Variants in ACAT1 observed in about 807,000 individuals in gnomAD.
ACAT1 encodes the protein acetyl-CoA acetyltransferase 1, also known as acetyl-CoA acetyltransferase, mitochondrial.
Under a neutral mutation model 47.3 loss-of-function variants are expected in ACAT1, and 28 were observed. That is an observed-to-expected ratio of 0.59 (90% confidence interval 0.44 to 0.81). The LOEUF (loss-of-function observed/expected upper bound fraction) is 0.81. ACAT1 is among the 30% of genes least tolerant of loss of function. ACAT1 has a pLI of 0.00. For synonymous variants in ACAT1, 181 were observed against 173.6 expected, an observed-to-expected ratio of 1.04 and a Z score of -0.34; for missense variants, 469 against 524.3, an observed-to-expected ratio of 0.89 and a Z score of 1.03.
Position 108,147,410 on chromosome 11 carries a change from G to T in ACAT1, c.*20G>T. 2.5e-6 allele frequency: 4 copies of T among 1,612,622 alleles called. No homozygotes were observed. The highest frequency in any genetic ancestry group is 3.4e-6 in the Non-Finnish European group (4 of 1,179,376). On this transcript the variant is annotated 3_prime_UTR_variant, in exon 12 of 12. Coordinates refer to ENST00000265838, the MANE Select transcript of ACAT1 (RefSeq NM_000019.4). ...CTGTAGACAACCTCTGCTATTTAAG[G>T]AGACAACCCTATGTGACCAGAAGGC... is the stretch of plus-strand genomic sequence containing the variant.
At chr11:108,120,077 G>A (rs1417988738), upstream of ACAT1, among the ~76,000 whole-genome samples, 3 of 152,066 alleles carry the variant, frequency 2.0e-5, no homozygotes, top group South Asian at 4.1e-4. Flanking sequence ...AGATTAGCCA[G>A]GCTTGGCAGC....
rs1440365215 is a variant in ACAT1, at chr11:108,141,780, G to C, written c.826+80G>C. Reference sequence around the variant, plus strand: ...GTTCTTAGAATTGCCTAAGGATTTTGAAAAATTCTAGAAAACATCTAGATG... The same window carrying C: ...GTTCTTAGAATTGCCTAAGGATTTTCAAAAATTCTAGAAAACATCTAGATG... On this transcript the variant is annotated intron_variant, in intron 8 of 11. Transcript: ENST00000265838. The C allele has an allele frequency of 1.0e-5, 6 of 593,314 alleles. No individual in the cohort carries two copies. In the East Asian group the frequency reaches 2.1e-4, roughly 20 times the overall value. 36.8% of individuals were successfully genotyped at this position (593,314 alleles called of 1,614,324 possible).
chr11:108,134,928 G>C (rs1405551773), intron 4 of ACAT1, among the ~76,000 whole-genome samples: 2 of 110,156 alleles, frequency 1.8e-5, no homozygotes, highest in African/African-American at 7.2e-5. Context: ...TTGGGGGACA[G>C]AGTGAGACTC....
chr11:108,145,988 A>G, intron 10 of ACAT1: 1 of 453,376 alleles, frequency 2.2e-6, no homozygotes, highest in Non-Finnish European at 4.0e-6. Context: ...CAGAGGTTAT[A>G]GTGAGCCAAG....
chr11:108,138,828 T>C lies in ACAT1; in HGVS notation c.436-70T>C, dbSNP rs2077522497. ...TGTAGAATACTTGTTTGGTGGTAGC[T>C]GTATAAAGGGTGTCATGGGTTTGCA... On this transcript the variant is annotated intron_variant, in intron 5 of 11. Coordinates refer to ENST00000265838, the MANE Select transcript of ACAT1 (RefSeq NM_000019.4). 2.6e-6 allele frequency: 4 copies of C among 1,539,538 alleles called. No individual in the cohort carries two copies. The South Asian group carries it at 4.5e-5, about 17-fold the overall frequency.
chr11:108,134,148 C>A, intron 3 of ACAT1, 73 bp from the exon 4 acceptor site: 1 of 1,384,738 alleles, frequency 7.2e-7, no homozygotes, highest in South Asian at 1.2e-5. Context: ...GTAATGTCAC[C>A]TACCTTATTA....
chr11:108,146,433 T>A (rs2134792515), intron 11 of ACAT1, 74 bp downstream of exon 11: 1 of 1,538,214 alleles, frequency 6.5e-7, no homozygotes, highest in South Asian at 1.1e-5. Context: ...AACTGCTTCA[T>A]AATTCCCATT....
upstream of ACAT1, among the ~76,000 whole-genome samples, chr11:108,120,003 G>A (rs930700406): frequency 3.3e-5 from 5 of 152,150 alleles, no homozygotes; most frequent in African/African-American, 1.2e-4. Context: ...GATTGCGTGA[G>A]CTCAGGAGTT....
intron 5 of ACAT1, chr11:108,136,034 T>C (rs1352098112): frequency 1.6e-6 from 1 of 611,156 alleles, no homozygotes; most frequent in African/African-American, 1.9e-5. Context: ...GGCTTTCTAA[T>C]TAGCCTTGCT....
upstream of ACAT1, among the ~76,000 whole-genome samples, chr11:108,117,848 C>T (rs933963648): frequency 3.9e-5 from 6 of 152,160 alleles, no homozygotes; most frequent in African/African-American, 1.2e-4. Context: ...CTAAAACTAA[C>T]TTCTACTTCT....
chr11:108,125,975 G>T (rs1429477160), intron 1 of ACAT1, among the ~76,000 whole-genome samples: 4 of 151,896 alleles, frequency 2.6e-5, no homozygotes, highest in Non-Finnish European at 4.4e-5. Flanking sequence ...GCCAGCCATG[G>T]AGAGCTGGGA....
upstream of ACAT1, among the ~76,000 whole-genome samples, chr11:108,120,135 G>A (rs1405058436): frequency 1.3e-5 from 2 of 152,018 alleles, no homozygotes; most frequent in African/African-American, 2.4e-5. Context: ...GAACTCAGGA[G>A]GCAGAGGTTG....
intron 9 of ACAT1, 24 bp from the exon 10 acceptor site, chr11:108,143,959 C>T (rs754262678): frequency 1.6e-5 from 3 of 187,400 alleles, no homozygotes; most frequent in South Asian, 1.0e-4. Context: ...TTTTAACAAC[C>T]CCCCCCCCCC....
intron 9 of ACAT1, 145 bp from the exon 10 acceptor site, chr11:108,143,838 G>C: frequency 1.2e-6 from 1 of 841,468 alleles, no homozygotes; most frequent in Non-Finnish European, 1.7e-6. Flanking sequence ...ATAAAGTGTA[G>C]AATCCTAGAA....
At chr11:108,125,015 A>G (rs919632583) in intron 1 of ACAT1, among the ~76,000 whole-genome samples, 14 of 152,172 alleles carry the variant, frequency 9.2e-5, no homozygotes, top group African/African-American at 2.9e-4. Context: ...ACTGTAGCTG[A>G]AATTTTGTTT....
chr11:108,133,459 T>C (rs748747829), intron 2 of ACAT1, among the ~76,000 whole-genome samples: 4 of 152,094 alleles, frequency 2.6e-5, no homozygotes, highest in Non-Finnish European at 5.9e-5. Flanking sequence ...CATTCCAGCC[T>C]GGGCAGCTGA....
rs1591374737 is a variant in ACAT1, at chr11:108,146,325, A to C, written c.1129A>C (p.Asn377His). 1.2e-6 allele frequency: 2 copies of C among 1,613,974 alleles called. No individual in the cohort carries two copies. Among genetic ancestry groups the C allele is most frequent in the African/African-American group, 1.3e-5 (1 of 74,934 alleles). Residue 377 changes from asparagine to histidine, a missense_variant, in exon 11 of 12, where the codon AAT becomes CAT. By Grantham distance (68) the Asn-to-His change is moderately conservative. Transcript: ENST00000265838. ...LEIDPQKVNI[N>H]GGAVSLGHPI... is the part of the protein sequence containing the mutation. ...GATTGATCCCCAAAAAGTGAATATC[A>C]ATGGAGGAGCTGTTTCTCTGGGACA...
chr11:108,131,758 T>G (rs1226891562), intron 1 of ACAT1, 149 bp from the exon 2 acceptor site: 4 of 316,050 alleles, frequency 1.3e-5, no homozygotes, highest in African/African-American at 8.7e-5. Flanking sequence ...TTTCTAATTG[T>G]TAAAAGTGAT....
chr11:108,144,350 T>C, intron 10 of ACAT1: 1 of 371,212 alleles, frequency 2.7e-6, no homozygotes, highest in Non-Finnish European at 4.9e-6. Context: ...GCGGAGGGAA[T>C]GCTGGCTGAT....
Sources: gnomAD v4.1 joint callset for allele counts (sites outside exome capture counted in the v4.1 genomes callset) on GRCh38, gnomAD v4.1.1 for gene constraint, MANE v1.5 for transcripts, NCBI Gene and HGNC (gene_info 2026-07-23, HGNC 2026-07-21) for gene names.